The following PRKG1 variants were observed in gnomAD, a reference collection of about 807,000 sequenced individuals.
The protein encoded by PRKG1 is protein kinase cGMP-dependent 1.
A neutral mutation model predicts 88.1 loss-of-function variants in PRKG1; 35 were observed. That is an observed-to-expected ratio of 0.40 (90% confidence interval 0.30 to 0.53). PRKG1 has a LOEUF of 0.53. PRKG1 is among the 20% of genes least tolerant of loss of function. PRKG1 has a pLI of 0.59. For synonymous variants in PRKG1, 303 were observed against 292.5 expected (o/e 1.04, Z -0.37); for missense variants, 540 against 839.8 (o/e 0.64, Z 4.41).
intron 1 of PRKG1, among the ~76,000 whole-genome samples, chr10:51,023,065 A>G (rs1288525785): frequency 6.6e-6 from 1 of 152,216 alleles, no homozygotes; most frequent in Non-Finnish European, 1.5e-5. Flanking sequence ...CTGGTAAGGC[A>G]GCCTGACTAA....
Position 51,825,712 on chromosome 10 carries a change from G to A in PRKG1, c.698+21022G>A, listed in dbSNP as rs147230454. Among the ~76,000 whole-genome samples, 979 of 152,248 alleles carry A rather than the reference G, an allele frequency of 6.4e-3. 12 individuals are homozygous for A. Among genetic ancestry groups the A allele is most frequent in the African/African-American group, 0.02 (823 of 41,540 alleles). ...AACTTAATTTGGTAGATGACAGAAAGCTATTAAAGGTATTTGAGCAGGTGT... is the reference window on the plus strand; with the variant it reads ...AACTTAATTTGGTAGATGACAGAAAACTATTAAAGGTATTTGAGCAGGTGT... On this transcript the variant is annotated intron_variant, in intron 4 of 17. Coordinates refer to ENST00000373980, the MANE Select transcript of PRKG1 (RefSeq NM_006258.4).
intron 2 of PRKG1, among the ~76,000 whole-genome samples, chr10:51,218,209 C>T (rs1838421471): frequency 6.6e-6 from 1 of 151,708 alleles, no homozygotes; most frequent in Non-Finnish European, 1.5e-5. Context: ...CATTGGAGGC[C>T]CTGAGCAGAA....
rs572634753 is a variant in PRKG1 at position 51,347,790 on chromosome 10, G to C, written c.479-119933G>C. On this transcript the variant is annotated intron_variant, in intron 2 of 17. Coordinates refer to ENST00000373980, the MANE Select transcript of PRKG1 (RefSeq NM_006258.4). ...ATAAAAGTCAACAAAGGCTGGGCGC[G>C]GTGGCTCACACCTGTAATCCCAGCA... Among the ~76,000 whole-genome samples, 19 of 152,006 alleles carry C rather than the reference G, an allele frequency of 1.2e-4. 1 individual carries two copies. The highest frequency in any genetic ancestry group is 4.1e-4 in the African/African-American group (17 of 41,478).
chr10:51,621,012 T>C (rs1008835468), intron 3 of PRKG1, among the ~76,000 whole-genome samples: 4 of 128,932 alleles, frequency 3.1e-5, no homozygotes, highest in Admixed American at 8.7e-5. Flanking sequence ...TATGTGTGTA[T>C]ATATATATAT....
chr10:51,011,616 A>G (rs902929648), intron 1 of PRKG1, among the ~76,000 whole-genome samples: 5 of 152,234 alleles, frequency 3.3e-5, no homozygotes, highest in African/African-American at 9.6e-5. Context: ...ACATAAACAT[A>G]TCAACATTTA....
At chr10:51,788,033 T>C (rs1286110670) in intron 3 of PRKG1, among the ~76,000 whole-genome samples, 2 of 152,290 alleles carry the variant, frequency 1.3e-5, no homozygotes, top group Admixed American at 1.3e-4. Context: ...CTGAGTATCA[T>C]TGTGTTGTAC....
At chr10:51,349,106 C>T (rs1842180205) in intron 2 of PRKG1, among the ~76,000 whole-genome samples, 1 of 152,180 alleles carries the variant, frequency 6.6e-6, no homozygotes, top group African/African-American at 2.4e-5. Context: ...TATTACCTCT[C>T]CTTCATTCGA....
intron 3 of PRKG1, among the ~76,000 whole-genome samples, chr10:51,719,531 G>A (rs1589229916): frequency 6.6e-6 from 1 of 152,262 alleles, no homozygotes; most frequent in African/African-American, 2.4e-5. Context: ...GAAAGATTGT[G>A]TAACTGTCAT....
intron 3 of PRKG1, among the ~76,000 whole-genome samples, chr10:51,666,757 A>C (rs1345690038): frequency 6.6e-6 from 1 of 152,130 alleles, no homozygotes; most frequent in Non-Finnish European, 1.5e-5. Flanking sequence ...AAATGTGTTC[A>C]GTAGAACTCT....
intron 1 of PRKG1, among the ~76,000 whole-genome samples, chr10:51,033,149 T>A (rs931164635): frequency 9.2e-5 from 14 of 152,162 alleles, no homozygotes; most frequent in Admixed American, 2.0e-4. Context: ...ACAGTTCTGA[T>A]TATTAAGCCT....
At chr10:51,838,424 A>G (rs1009034713) in intron 4 of PRKG1, among the ~76,000 whole-genome samples, 2 of 152,200 alleles carry the variant, frequency 1.3e-5, no homozygotes, top group African/African-American at 4.8e-5. Context: ...CAGAAAATCT[A>G]AACATGAATA....
intron 1 of PRKG1, among the ~76,000 whole-genome samples, chr10:51,147,654 T>C (rs1845974758): frequency 1.3e-5 from 2 of 152,210 alleles, no homozygotes; most frequent in South Asian, 4.1e-4. Context: ...TTACAATGTA[T>C]GTAATAAAAG....
rs564761452 is a variant in PRKG1 at position 52,036,122 on chromosome 10, T to C, written c.763-18362T>C. 1.2e-4 allele frequency among the ~76,000 whole-genome samples: 18 copies of C among 152,180 alleles called. No individual in the cohort carries two copies. The South Asian group carries it at 3.3e-3, about 28-fold the overall frequency. ...GGCTTGATTGAAGTAATAGGGGCTG[T>C]CTGTGAAGCTTTGCGGCAGTACAGC... is the stretch of plus-strand genomic sequence containing the variant. On this transcript the variant is annotated intron_variant, in intron 5 of 17. Transcript: ENST00000373980.
intron 5 of PRKG1, among the ~76,000 whole-genome samples, chr10:52,002,567 C>T (rs2133152194): frequency 6.6e-6 from 1 of 152,212 alleles, no homozygotes; most frequent in Non-Finnish European, 1.5e-5. Flanking sequence ...GTGTAGGTGA[C>T]TCACCCTCAA....
At chr10:51,892,684 A>G (rs1483663290) in intron 4 of PRKG1, among the ~76,000 whole-genome samples, 1 of 152,226 alleles carries the variant, frequency 6.6e-6, no homozygotes, top group African/African-American at 2.4e-5. Flanking sequence ...AGGATCAGGA[A>G]TGCTATTGGT....
chr10:51,342,559 C>T (rs1311563985), intron 2 of PRKG1, among the ~76,000 whole-genome samples: 1 of 152,154 alleles, frequency 6.6e-6, no homozygotes, highest in Non-Finnish European at 1.5e-5. Flanking sequence ...AAATCTGTAT[C>T]AAAGTCCTGA....
intron 3 of PRKG1, among the ~76,000 whole-genome samples, chr10:51,769,845 G>A (rs1485349836): frequency 6.6e-6 from 1 of 151,922 alleles, no homozygotes; most frequent in Non-Finnish European, 1.5e-5. Flanking sequence ...TAGCTGATGA[G>A]GGGAAAAAAA....
chr10:52,171,893 C>T (rs1342833908), intron 9 of PRKG1, among the ~76,000 whole-genome samples: 1 of 142,886 alleles, frequency 7.0e-6, no homozygotes, highest in Non-Finnish European at 1.5e-5. Flanking sequence ...AGCTCCGCTT[C>T]CCGGGTTCAC....
At chr10:51,858,855 T>G (rs1840789884) in intron 4 of PRKG1, among the ~76,000 whole-genome samples, 1 of 152,126 alleles carries the variant, frequency 6.6e-6, no homozygotes, top group Non-Finnish European at 1.5e-5. Context: ...CCTGAATCGC[T>G]AATTCTAATG....
Sources: allele counts gnomAD v4.1 joint callset (sites outside exome capture counted in the v4.1 genomes callset), GRCh38; gene constraint gnomAD v4.1.1; transcripts MANE v1.5; gene names NCBI Gene and HGNC (gene_info 2026-07-23, HGNC 2026-07-21).